The following USP47 variants were observed in gnomAD, a reference collection of about 807,000 sequenced individuals.
USP47 encodes the protein ubiquitin carboxyl-terminal hydrolase 47.
In USP47, 35 loss-of-function variants were observed where a neutral mutation model predicts 165.1. That is an observed-to-expected ratio of 0.21 (90% confidence interval 0.16 to 0.28). The LOEUF (loss-of-function observed/expected upper bound fraction) is 0.28, where lower values mean the gene tolerates loss of function less well. Among genes scored for constraint, USP47 ranks in the 10% least tolerant of loss-of-function variants. The pLI is 1.00. For synonymous variants in USP47, 531 were observed against 544.5 expected (o/e 0.98, Z 0.35); for missense variants, 1,277 against 1,607.4 (o/e 0.79, Z 3.52).
chr11:11,882,571 T>C (rs908107517), intron 2 of USP47, among the ~76,000 whole-genome samples: 1 of 152,156 alleles, frequency 6.6e-6, no homozygotes, highest in African/African-American at 2.4e-5. Flanking sequence ...CCACATAATT[T>C]CCAGTGTTGT....
chr11:11,925,517 T>A (rs1329532195), intron 11 of USP47, among the ~76,000 whole-genome samples: 5 of 152,216 alleles, frequency 3.3e-5, no homozygotes, highest in Non-Finnish European at 7.3e-5. Flanking sequence ...TTTCTTAATT[T>A]TCTTTTTGGA....
chr11:11,885,806 G>A (rs972918752), intron 3 of USP47, among the ~76,000 whole-genome samples: 2 of 152,170 alleles, frequency 1.3e-5, no homozygotes, highest in Admixed American at 6.5e-5. Flanking sequence ...GCTCCCAACG[G>A]GTTTTCAGCA....
intron 2 of USP47, among the ~76,000 whole-genome samples, chr11:11,882,479 A>G (rs1419479161): frequency 6.6e-6 from 1 of 152,156 alleles, no homozygotes; most frequent in Non-Finnish European, 1.5e-5. Context: ...ACTGAAATTA[A>G]CCAGTAAAAT....
At chr11:11,927,179 TTG>T (rs1178782685) in intron 11 of USP47, among the ~76,000 whole-genome samples, 2 of 152,056 alleles carry the variant, frequency 1.3e-5, no homozygotes, top group Non-Finnish European at 2.9e-5. Context: ...ATTCTTATCC[TTG>T]TTCCTCTATA....
intron 3 of USP47, among the ~76,000 whole-genome samples, chr11:11,889,032 G>A (rs754915847): frequency 5.9e-5 from 9 of 152,050 alleles, no homozygotes; most frequent in Non-Finnish European, 1.3e-4. Flanking sequence ...GAATAAACTA[G>A]GAATTGAAGG....
chr11:11,844,810 C>T (rs893292099), intron 1 of USP47, among the ~76,000 whole-genome samples: 9 of 151,314 alleles, frequency 5.9e-5, no homozygotes, highest in African/African-American at 1.9e-4. Flanking sequence ...TGTGTGCGTG[C>T]GTGTGTTGGA....
At chr11:11,921,177 T>G (rs1018976419) in intron 10 of USP47, among the ~76,000 whole-genome samples, 1 of 151,770 alleles carries the variant, frequency 6.6e-6, no homozygotes, top group Non-Finnish European at 1.5e-5. Flanking sequence ...GGAATACTTA[T>G]AATCACTTAG....
At chr11:11,936,044 C>G (rs375873011) in intron 16 of USP47, among the ~76,000 whole-genome samples, 2 of 151,630 alleles carry the variant, frequency 1.3e-5, no homozygotes, top group Non-Finnish European at 2.9e-5. Flanking sequence ...ATGATGTTAA[C>G]TTTTTAAAAA....
chr11:11,882,044 T>C (rs1850867792), intron 2 of USP47, among the ~76,000 whole-genome samples: 1 of 152,176 alleles, frequency 6.6e-6, no homozygotes, highest in African/African-American at 2.4e-5. Flanking sequence ...TTGTTTCCTT[T>C]CTCTCTGTCC....
Position 11,901,997 on chromosome 11 carries a change from T to C in USP47, c.594-718T>C, listed in dbSNP as rs55794180. On this transcript the variant is annotated intron_variant, in intron 5 of 27. Transcript: ENST00000527733. The stretch of plus-strand genomic sequence containing the variant: ...AAAAAGAGGGAAATAGTGTAATGAA[T>C]CCCTCTTCACCAGTCATTCAGCTTT... Among the ~76,000 whole-genome samples, 460 of 150,330 alleles carry C rather than the reference T, an allele frequency of 3.1e-3. 1 individual carries two copies. The highest frequency in any genetic ancestry group is 5.2e-3 in the Non-Finnish European group (349 of 67,524).
chr11:11,936,515 G>A lies in USP47; in HGVS notation c.2077+5G>A. On this transcript the variant is annotated splice_donor_5th_base_variant and intron_variant, in intron 17 of 27. Transcript: ENST00000527733. ...TCCAATCTTATAAACCTGGAGGTGAGCAATTTTACACTATTTTTAGTTGTT... is the reference window on the plus strand; with the variant it reads ...TCCAATCTTATAAACCTGGAGGTGAACAATTTTACACTATTTTTAGTTGTT... 1.3e-6 allele frequency: 2 copies of A among 1,560,834 alleles called. No individual in the cohort carries two copies. The highest frequency in any genetic ancestry group is 1.7e-6 in the Non-Finnish European group (2 of 1,148,096).
In USP47 at chr11:11,943,251, T is replaced by C. The variant is rs1468783996; in HGVS notation, c.3091+139T>C. On this transcript the variant is annotated intron_variant, in intron 20 of 27. Coordinates refer to ENST00000527733, the MANE Select transcript of USP47 (RefSeq NM_001282659.2). ...TGGATTATAAGATTATTGACGCAGTTGTAATGAACACTGTTCTTAGACCTG... is the reference window on the plus strand; with the variant it reads ...TGGATTATAAGATTATTGACGCAGTCGTAATGAACACTGTTCTTAGACCTG... 4 of 934,468 alleles carry C rather than the reference T, an allele frequency of 4.3e-6. No homozygotes were observed. In the East Asian group the frequency reaches 8.0e-5, roughly 19 times the overall value. The allele number at this position is 934,468 out of a possible 1,614,324, so 57.9% of individuals were successfully genotyped here. A position where few individuals can be genotyped will look rare whatever the true frequency, so the allele number is the denominator to read the frequency against.
At chr11:11,845,838 A>G (rs1237257439) in intron 1 of USP47, among the ~76,000 whole-genome samples, 3 of 152,112 alleles carry the variant, frequency 2.0e-5, no homozygotes, top group Non-Finnish European at 4.4e-5. Context: ...GTTATTTTTA[A>G]GTTTTTGAGT....
intron 20 of USP47, among the ~76,000 whole-genome samples, chr11:11,946,538 T>C (rs1168340606): frequency 2.0e-5 from 3 of 152,208 alleles, no homozygotes; most frequent in Admixed American, 2.0e-4. Context: ...TTGAGGGAGA[T>C]TGGATGACCT....
intron 3 of USP47, among the ~76,000 whole-genome samples, chr11:11,890,795 T>C (rs890021068): frequency 1.3e-5 from 2 of 152,000 alleles, no homozygotes; most frequent in African/African-American, 4.8e-5. Flanking sequence ...ATAAAGAAAA[T>C]ATGGTTCATA....
chr11:11,942,607 C>T lies in USP47; in HGVS notation c.2586C>T (p.Ser862=). The part of the protein sequence containing the change: ...ILEESTEKLK[S]LSLQQQQDGD... ...AAGAAAGCACTGAAAAACTCAAAAG[C>T]TTGTCACTGCAGCAACAGCAGGATG... The change falls in exon 20 of 28, where the codon AGC becomes AGT. Residue 862 remains serine (S), a synonymous_variant. Coordinates refer to ENST00000527733, the MANE Select transcript of USP47 (RefSeq NM_001282659.2). 1 of 1,613,460 alleles carries T rather than the reference C, an allele frequency of 6.2e-7. No individual in the cohort carries two copies.
intron 3 of USP47, among the ~76,000 whole-genome samples, chr11:11,886,795 A>G (rs1232744700): frequency 6.6e-6 from 1 of 152,130 alleles, no homozygotes; most frequent in Non-Finnish European, 1.5e-5. Context: ...TAATCGTCAG[A>G]CTCTCCAAGG....
chr11:11,883,001 A>G (rs1015578024), intron 2 of USP47, among the ~76,000 whole-genome samples: 2 of 152,154 alleles, frequency 1.3e-5, no homozygotes, highest in African/African-American at 4.8e-5. Flanking sequence ...AAATATGACT[A>G]CTTTCTCCTG....
At chr11:11,894,293 T>G (rs2134395748) in intron 4 of USP47, among the ~76,000 whole-genome samples, 1 of 152,094 alleles carries the variant, frequency 6.6e-6, no homozygotes, top group East Asian at 1.9e-4. Context: ...CCATCTCTAC[T>G]AAAAATACAA....
Sources: gnomAD v4.1 joint callset for allele counts (sites outside exome capture counted in the v4.1 genomes callset) on GRCh38, gnomAD v4.1.1 for gene constraint, MANE v1.5 for transcripts, NCBI Gene and HGNC (gene_info 2026-07-23, HGNC 2026-07-21) for gene names.